FRMPD3: variants seen among roughly 807,000 people sequenced by gnomAD.
FRMPD3 encodes FERM and PDZ domain-containing protein 3.
Under a neutral mutation model 97.9 loss-of-function variants are expected in FRMPD3, and 42 were observed. That is an observed-to-expected ratio of 0.43 (90% CI 0.34 to 0.55). The LOEUF (loss-of-function observed/expected upper bound fraction) is 0.55, where lower values mean the gene tolerates loss of function less well. FRMPD3 is among the 20% of genes least tolerant of loss of function. The probability of loss-of-function intolerance (pLI) is 0.03; values close to 1 mark genes in which losing one functional copy is unlikely to be tolerated. For synonymous variants in FRMPD3, 577 were observed against 581.1 expected (o/e 0.99, Z 0.10); for missense variants, 1,303 against 1,457.7 (o/e 0.89, Z 1.73).
chrX:107,548,163 A>T (rs1921703040), intron 5 of FRMPD3, among the ~76,000 whole-genome samples: 1 of 111,763 alleles, frequency 8.9e-6, no homozygotes, highest in African/African-American at 3.3e-5. Context: ...ATCCACACCC[A>T]CTGTCTCCTT....
chrX:107,567,352 T>C (rs1269274927), intron 12 of FRMPD3, among the ~76,000 whole-genome samples: 1 of 111,918 alleles, frequency 8.9e-6, no homozygotes, highest in East Asian at 2.8e-4. Flanking sequence ...ACACAGTAAG[T>C]ACTCAATGAA....
Position 107,602,091 on chromosome X carries a change from G to A in FRMPD3, c.4052G>A (p.Arg1351His), listed in dbSNP as rs758041468. 1.3e-4 allele frequency: 161 copies of A among 1,205,496 alleles called. No homozygotes were observed. In the African/African-American group the frequency reaches 2.4e-3, roughly 18 times the overall value. ...VSLSSPINVQ[R>H]IRSTSLESRE... ...CTCAGCAGCCCCATCAATGTCCAGC[G>A]CATTCGTTCTACCAGCCTGGAGTCC... Residue 1351 changes from arginine (R) to histidine (H), a missense_variant, in exon 15 of 15, where the codon CGC (arginine) becomes CAC (histidine). Arg to His is a conservative substitution (Grantham distance 29, BLOSUM62 0). Transcript: ENST00000683843.
At chrX:107,572,400 G>A (rs1922925069) in intron 12 of FRMPD3, among the ~76,000 whole-genome samples, 1 of 111,924 alleles carries the variant, frequency 8.9e-6, no homozygotes, top group Non-Finnish European at 1.9e-5. Flanking sequence ...GGATTTGTAT[G>A]CCATTGTAAG....
At chrX:107,549,077 G>A (rs1421515947) in intron 5 of FRMPD3, among the ~76,000 whole-genome samples, 2 of 111,442 alleles carry the variant, frequency 1.8e-5, no homozygotes, top group African/African-American at 6.5e-5. Flanking sequence ...AGTCCTCAGA[G>A]AAAGAGAACA....
At chrX:107,557,326 T>C (rs1200451267) in intron 8 of FRMPD3, among the ~76,000 whole-genome samples, 1 of 111,464 alleles carries the variant, frequency 9.0e-6, no homozygotes, top group Non-Finnish European at 1.9e-5. Flanking sequence ...TGTTTTCTTA[T>C]TGAGTTTTGA....
intron 1 of FRMPD3, among the ~76,000 whole-genome samples, chrX:107,493,992 T>G (rs150400672): frequency 9.0e-6 from 1 of 110,791 alleles, no homozygotes; most frequent in Admixed American, 9.6e-5. Flanking sequence ...ACCTTCTCAG[T>G]GGCCACTCTC....
chrX:107,480,960 G>C (rs1030530282), intron 1 of FRMPD3, among the ~76,000 whole-genome samples: 9 of 105,541 alleles, frequency 8.5e-5, no homozygotes, highest in African/African-American at 1.4e-4. Context: ...AAGAAAGAAA[G>C]AAACAGACAT....
intron 1 of FRMPD3, among the ~76,000 whole-genome samples, chrX:107,488,454 G>A (rs1921563800): frequency 8.9e-6 from 1 of 112,679 alleles, no homozygotes. Flanking sequence ...TTGTGTACTT[G>A]TGGGTGTTTA....
At chrX:107,503,638 G>A (rs1357481361) in intron 1 of FRMPD3, among the ~76,000 whole-genome samples, 2 of 112,628 alleles carry the variant, frequency 1.8e-5, no homozygotes, top group Non-Finnish European at 3.7e-5. Flanking sequence ...CTGTCATTGT[G>A]CCTGAAATTT....
In FRMPD3 at chrX:107,601,964, C is replaced by T. The variant is rs764992810; in HGVS notation, c.3925C>T (p.Arg1309Trp). Reference protein sequence around the residue: ...CDCKRICRGGRPQATQTPVPS... With the variant: ...CDCKRICRGGWPQATQTPVPS... ...CTGCAAGCGCATCTGCCGGGGGGGCCGGCCACAAGCCACCCAGACACCAGT... is the reference window on the plus strand; with the variant it reads ...CTGCAAGCGCATCTGCCGGGGGGGCTGGCCACAAGCCACCCAGACACCAGT... The change falls in exon 15 of 15, where the codon CGG (arginine) becomes TGG (tryptophan). Residue 1309 changes from arginine (R) to tryptophan (W), a missense_variant. Arg to Trp is a moderately radical substitution (Grantham distance 101). Coordinates refer to ENST00000683843, the MANE Select transcript of FRMPD3 (RefSeq NM_001388459.1). 34 of 1,169,949 alleles carry T rather than the reference C, an allele frequency of 2.9e-5. No homozygotes were observed. Among genetic ancestry groups the T allele is most frequent in the South Asian group, 8.0e-5 (4 of 50,233 alleles).
intron 5 of FRMPD3, 53 bp from the exon 6 acceptor site, chrX:107,549,996 C>A: frequency 1.2e-6 from 1 of 811,347 alleles, no homozygotes; most frequent in East Asian, 3.3e-5. Flanking sequence ...CTCTGGCTTC[C>A]TACTTCCTTC....
chrX:107,542,197 T>C (rs999757561), intron 4 of FRMPD3, among the ~76,000 whole-genome samples: 8 of 112,687 alleles, frequency 7.1e-5, no homozygotes, highest in South Asian at 3.7e-4. Context: ...CTGCAGCCCC[T>C]GCTCAGGATT....
intron 1 of FRMPD3, among the ~76,000 whole-genome samples, chrX:107,477,281 C>T (rs1292351900): frequency 9.3e-6 from 1 of 107,981 alleles, no homozygotes; most frequent in African/African-American, 3.4e-5. Context: ...GCTGGGTGCC[C>T]TAGGGCTGCT....
At chrX:107,507,536 G>GA (rs2147532670) in intron 1 of FRMPD3, among the ~76,000 whole-genome samples, 1 of 111,606 alleles carries the variant, frequency 9.0e-6, no homozygotes, top group South Asian at 3.8e-4. Flanking sequence ...TCCCACCCCT[G>GA]CCCCTCAGCG....
chrX:107,522,926 CG>C (rs1279992975), intron 1 of FRMPD3, among the ~76,000 whole-genome samples: 2 of 75,966 alleles, frequency 2.6e-5, no homozygotes, highest in Non-Finnish European at 5.0e-5. Context: ...CGTGGGGTGG[CG>C]GGGGGTGGGG....
intron 1 of FRMPD3, among the ~76,000 whole-genome samples, chrX:107,494,194 A>G (rs775436593): frequency 7.1e-5 from 8 of 112,169 alleles, no homozygotes; most frequent in Non-Finnish European, 1.3e-4. Flanking sequence ...CCTCTCCTAC[A>G]TTCCCATCGG....
chrX:107,474,957 G>A (rs893033197), intron 1 of FRMPD3, among the ~76,000 whole-genome samples: 3 of 111,973 alleles, frequency 2.7e-5, no homozygotes, highest in Admixed American at 9.5e-5. Context: ...TTCAGTATGG[G>A]AGACTACAAG....
At chrX:107,521,218 A>T (rs374050870) in intron 1 of FRMPD3, among the ~76,000 whole-genome samples, 161 of 112,733 alleles carry the variant, frequency 1.4e-3, no homozygotes, top group African/African-American at 5.0e-3. Flanking sequence ...TCCACAAAAG[A>T]TAACATTTAT....
chrX:107,524,801 T>C (rs999659480), intron 1 of FRMPD3, among the ~76,000 whole-genome samples: 10 of 110,494 alleles, frequency 9.1e-5, no homozygotes, highest in Non-Finnish European at 1.9e-4. Context: ...AAGACCAGCC[T>C]GGCCAACACG....
Sources: gnomAD v4.1 joint callset for allele counts (sites outside exome capture counted in the v4.1 genomes callset) on GRCh38, gnomAD v4.1.1 for gene constraint, MANE v1.5 for transcripts, NCBI Gene and HGNC (gene_info 2026-07-23, HGNC 2026-07-21) for gene names.